The following TGFBR3 variants were observed in gnomAD, a reference collection of about 807,000 sequenced individuals.
The protein encoded by TGFBR3 is transforming growth factor beta receptor 3.
TGFBR3 carries 46 observed loss-of-function variants against 87.9 expected under a neutral mutation model. That is an observed-to-expected ratio of 0.52 (90% CI 0.41 to 0.67). The LOEUF (loss-of-function observed/expected upper bound fraction) is 0.67, where lower values mean the gene tolerates loss of function less well. TGFBR3 is among the 30% of genes least tolerant of loss of function. The probability of loss-of-function intolerance (pLI) is 0.00; values close to 1 mark genes in which losing one functional copy is unlikely to be tolerated. For missense variants in TGFBR3, 866 were observed against 1,041.9 expected (o/e 0.83, Z 2.32); for synonymous variants, 381 against 391.6 (o/e 0.97, Z 0.32).
At chr1:91,694,091 TC>T (rs1671350923) in intron 16 of TGFBR3, among the ~76,000 whole-genome samples, 1 of 151,914 alleles carries the variant, frequency 6.6e-6, no homozygotes, top group South Asian at 2.1e-4. Context: ...AGCCTCAACC[TC>T]CCAGGTTCAA....
chr1:91,856,981 T>C (rs536317498), intron 2 of TGFBR3, among the ~76,000 whole-genome samples: 25 of 152,204 alleles, frequency 1.6e-4, no homozygotes, highest in Non-Finnish European at 3.2e-4. Context: ...TTAACCAAAC[T>C]GAGTCTCAAT....
At chr1:91,828,522 T>G (rs1676728386) in intron 2 of TGFBR3, among the ~76,000 whole-genome samples, 2 of 152,184 alleles carry the variant, frequency 1.3e-5, no homozygotes, top group Non-Finnish European at 2.9e-5. Context: ...CTGATCCAGT[T>G]CAGTTTATCA....
chr1:91,772,799 C>G (rs1330711398), intron 3 of TGFBR3, among the ~76,000 whole-genome samples: 1 of 152,150 alleles, frequency 6.6e-6, no homozygotes, highest in African/African-American at 2.4e-5. Context: ...TTGGCAAGAC[C>G]TACCAATACA....
chr1:91,829,214 A>G (rs1350083604), intron 2 of TGFBR3, among the ~76,000 whole-genome samples: 1 of 152,042 alleles, frequency 6.6e-6, no homozygotes, highest in Admixed American at 6.6e-5. Flanking sequence ...CGTCTCTTCT[A>G]AAAATACAAA....
intron 2 of TGFBR3, among the ~76,000 whole-genome samples, chr1:91,853,951 G>C (rs1275746458): frequency 2.0e-5 from 3 of 152,192 alleles, no homozygotes; most frequent in African/African-American, 7.2e-5. Flanking sequence ...GGAGGTTGCA[G>C]TGAGCTGAGA....
chr1:91,835,132 G>A (rs1677010437), intron 2 of TGFBR3, among the ~76,000 whole-genome samples: 1 of 152,182 alleles, frequency 6.6e-6, no homozygotes, highest in African/African-American at 2.4e-5. Flanking sequence ...GCTCAATGAG[G>A]CAAAAGTGTT....
At chr1:91,821,910 T>C (rs1676464535) in intron 2 of TGFBR3, among the ~76,000 whole-genome samples, 1 of 152,342 alleles carries the variant, frequency 6.6e-6, no homozygotes, top group South Asian at 2.1e-4. Context: ...GGTTAGTCTC[T>C]AGATTTCAGT....
intron 2 of TGFBR3, among the ~76,000 whole-genome samples, chr1:91,810,079 G>T (rs951569679): frequency 4.6e-5 from 7 of 152,158 alleles, no homozygotes; most frequent in African/African-American, 1.7e-4. Flanking sequence ...AGTGGACGGG[G>T]ACAAGGTCTG....
chr1:91,730,380 C>T (rs1043539286), intron 5 of TGFBR3, among the ~76,000 whole-genome samples: 2 of 152,102 alleles, frequency 1.3e-5, no homozygotes, highest in African/African-American at 2.4e-5. Context: ...TTGAAAAGCT[C>T]GTAGTAGATT....
intron 3 of TGFBR3, among the ~76,000 whole-genome samples, chr1:91,790,027 T>C (rs928817318): frequency 6.6e-6 from 1 of 152,062 alleles, no homozygotes; most frequent in Non-Finnish European, 1.5e-5. Flanking sequence ...ATGATTTCTA[T>C]AGTAATACTC....
At chr1:91,816,308 A>G (rs1309384160) in intron 2 of TGFBR3, among the ~76,000 whole-genome samples, 2 of 152,266 alleles carry the variant, frequency 1.3e-5, no homozygotes, top group Admixed American at 1.3e-4. Flanking sequence ...CAAAGACTAC[A>G]TCTGCATAAT....
At chr1:91,808,820 G>A (rs1342119680) in intron 2 of TGFBR3, among the ~76,000 whole-genome samples, 2 of 152,100 alleles carry the variant, frequency 1.3e-5, no homozygotes, top group Non-Finnish European at 2.9e-5. Flanking sequence ...CTCACAAGAA[G>A]GAAGCTTAAA....
At chr1:91,862,294 A>C (rs1678233402) in intron 1 of TGFBR3, among the ~76,000 whole-genome samples, 1 of 152,228 alleles carries the variant, frequency 6.6e-6, no homozygotes, top group African/African-American at 2.4e-5. Context: ...ATGCAACCCT[A>C]GTGCCAGCAA....
intron 2 of TGFBR3, among the ~76,000 whole-genome samples, chr1:91,847,351 C>T (rs1241075336): frequency 6.6e-6 from 1 of 151,952 alleles, no homozygotes; most frequent in Non-Finnish European, 1.5e-5. Context: ...TGCCTGTAAT[C>T]CCAGCACTTT....
At chr1:91,768,163 G>A (rs566136633) in intron 3 of TGFBR3, among the ~76,000 whole-genome samples, 2 of 147,248 alleles carry the variant, frequency 1.4e-5, no homozygotes, top group South Asian at 4.3e-4. Context: ...GTTGAGCCGA[G>A]ATCATGCCAT....
At chr1:91,867,333 G>A (rs78956959) in intron 1 of TGFBR3, among the ~76,000 whole-genome samples, 4 of 152,326 alleles carry the variant, frequency 2.6e-5, no homozygotes, top group Middle Eastern at 3.4e-3. Context: ...AGAGAAGCCT[G>A]ACTCCACTCT....
chr1:91,820,217 T>A (rs1432650995), intron 2 of TGFBR3, among the ~76,000 whole-genome samples: 2 of 152,324 alleles, frequency 1.3e-5, no homozygotes, highest in East Asian at 3.9e-4. Context: ...GCAACTGAAC[T>A]GTCCAACCTC....
chr1:91,686,774 G>A (rs368031442), intron 16 of TGFBR3, among the ~76,000 whole-genome samples: 66 of 152,220 alleles, frequency 4.3e-4, no homozygotes, highest in Non-Finnish European at 2.1e-4. Flanking sequence ...TGATTTCGTG[G>A]AGCACCAACT....
chr1:91,880,382 G>A (rs1359766378), intron 1 of TGFBR3, among the ~76,000 whole-genome samples: 4 of 152,060 alleles, frequency 2.6e-5, no homozygotes, highest in South Asian at 2.1e-4. Flanking sequence ...GGCGGATCAC[G>A]AGGTCAGGAG....
Sources: gnomAD v4.1 joint callset for allele counts (sites outside exome capture counted in the v4.1 genomes callset) on GRCh38, gnomAD v4.1.1 for gene constraint, MANE v1.5 for transcripts, NCBI Gene and HGNC (gene_info 2026-07-23, HGNC 2026-07-21) for gene names.